Variants in CADM2 observed in about 807,000 individuals in gnomAD.
CADM2 encodes the protein cell adhesion molecule 2.
A neutral mutation model predicts 49.8 loss-of-function variants in CADM2; 12 were observed. The observed-to-expected ratio is 0.24, with a 90% CI of 0.15 to 0.39. CADM2 has a LOEUF of 0.39. Ranked by LOEUF, CADM2 falls within the 10% of genes least tolerant of loss-of-function variation. The pLI, the probability that CADM2 is intolerant of heterozygous loss-of-function variation, is 1.00. For synonymous variants in CADM2, 214 were observed against 175.4 expected (o/e 1.22, Z -1.74); for missense variants, 378 against 492.3 (o/e 0.77, Z 2.20).
intron 1 of CADM2, among the ~76,000 whole-genome samples, chr3:85,442,269 C>T (rs1392351879): frequency 6.6e-6 from 1 of 151,880 alleles, no homozygotes; most frequent in Non-Finnish European, 1.5e-5. Flanking sequence ...TCTTTTTCTT[C>T]TCCAGTTGTT....
intron 1 of CADM2, among the ~76,000 whole-genome samples, chr3:85,583,477 G>A (rs568728703): frequency 9.2e-5 from 14 of 151,984 alleles, no homozygotes; most frequent in Non-Finnish European, 1.9e-4. Flanking sequence ...TCTAATCATT[G>A]TCATTCTAAA....
intron 1 of CADM2, among the ~76,000 whole-genome samples, chr3:85,029,270 G>T (rs1162446770): frequency 6.6e-6 from 1 of 152,222 alleles, no homozygotes; most frequent in African/African-American, 2.4e-5. Context: ...ATCAAATACA[G>T]TTTGAGTATC....
At chr3:85,303,902 A>G (rs941577574) in intron 1 of CADM2, among the ~76,000 whole-genome samples, 6 of 151,944 alleles carry the variant, frequency 3.9e-5, no homozygotes, top group African/African-American at 1.2e-4. Flanking sequence ...AATAAAAGCA[A>G]TTATGTCAAC....
intron 3 of CADM2, among the ~76,000 whole-genome samples, chr3:85,803,651 A>G (rs997812439): frequency 6.6e-6 from 1 of 152,142 alleles, no homozygotes; most frequent in African/African-American, 2.4e-5. Flanking sequence ...GTTGCAGCTC[A>G]TGTCCAGAGG....
In CADM2 at chr3:86,041,853, A is replaced by G. The variant is rs1735985773; in HGVS notation, c.971-23752A>G. The stretch of plus-strand genomic sequence containing the variant: ...AAGTAAAACACTCCTCAGCAAATGT[A>G]AAAGAACAAATTATAACAAACTGTC... On this transcript the variant is annotated intron_variant, in intron 8 of 9. Coordinates refer to ENST00000383699, the MANE Select transcript of CADM2 (RefSeq NM_001167675.2). Among the ~76,000 whole-genome samples, 3 of 152,214 alleles carry G rather than the reference A, an allele frequency of 2.0e-5. No individual in the cohort carries two copies. In the South Asian group the frequency reaches 6.2e-4, roughly 32 times the overall value.
At chr3:85,403,684 G>A (rs888802150) in intron 1 of CADM2, among the ~76,000 whole-genome samples, 1 of 152,024 alleles carries the variant, frequency 6.6e-6, no homozygotes, top group Non-Finnish European at 1.5e-5. Flanking sequence ...TCATATACTT[G>A]AATTTATTTC....
intron 4 of CADM2, among the ~76,000 whole-genome samples, chr3:85,884,650 T>C (rs1485615338): frequency 6.6e-6 from 1 of 152,098 alleles, no homozygotes; most frequent in Non-Finnish European, 1.5e-5. Flanking sequence ...GGAGTTATGT[T>C]AATTTTTCAT....
chr3:85,979,374 T>G (rs1486867219), intron 8 of CADM2: 1 of 1,420,314 alleles, frequency 7.0e-7, no homozygotes, highest in Non-Finnish European at 9.5e-7. Flanking sequence ...TGAGATTCAA[T>G]TTTACTTAAT....
chr3:85,720,731 T>C (rs1023616568), intron 1 of CADM2, among the ~76,000 whole-genome samples: 8 of 152,148 alleles, frequency 5.3e-5, no homozygotes, highest in African/African-American at 1.9e-4. Context: ...TTTCATGTGA[T>C]TAGTGAAAAA....
intron 1 of CADM2, among the ~76,000 whole-genome samples, chr3:84,978,031 C>G (rs1046998151): frequency 3.9e-5 from 6 of 151,972 alleles, no homozygotes; most frequent in Admixed American, 6.6e-5. Context: ...CATAAACATA[C>G]AAAATACATA....
intron 6 of CADM2, among the ~76,000 whole-genome samples, chr3:85,920,314 G>C (rs2108501780): frequency 6.6e-6 from 1 of 151,926 alleles, no homozygotes; most frequent in African/African-American, 2.4e-5. Context: ...AATAGGAAAG[G>C]TGAAATGAAA....
At chr3:85,979,646 A>T (rs1727233641) in intron 8 of CADM2, among the ~76,000 whole-genome samples, 1 of 151,640 alleles carries the variant, frequency 6.6e-6, no homozygotes, top group Admixed American at 6.6e-5. Flanking sequence ...TTACTTTTTT[A>T]AAATTCTAGT....
intron 1 of CADM2, among the ~76,000 whole-genome samples, chr3:85,061,521 G>T (rs945645857): frequency 6.6e-6 from 1 of 152,104 alleles, no homozygotes; most frequent in Non-Finnish European, 1.5e-5. Context: ...TCAACATCGG[G>T]AGTATTCCTA....
At chr3:85,263,436 C>T (rs145511044) in intron 1 of CADM2, among the ~76,000 whole-genome samples, 14 of 152,242 alleles carry the variant, frequency 9.2e-5, no homozygotes, top group Admixed American at 2.0e-4. Flanking sequence ...AGGTGTTTCA[C>T]ATACAATATT....
intron 1 of CADM2, among the ~76,000 whole-genome samples, chr3:85,199,370 T>TGTGTGTGAGAGAGAGAGAGAGA (rs1553694531): frequency 7.1e-6 from 1 of 140,104 alleles, no homozygotes; most frequent in African/African-American, 2.8e-5. Flanking sequence ...TGTGTGTGTA[T>TGTGTGTGAGAGAGAGAGAGAGA]GAGAGAGAGA....
chr3:85,908,254 CT>C (rs898710165), intron 5 of CADM2, among the ~76,000 whole-genome samples: 1,332 of 65,776 alleles, frequency 0.02, 16 homozygotes, highest in East Asian at 0.1. Context: ...TTTTTTTCTT[CT>C]TTTTTTTTTT....
chr3:85,906,358 G>A (rs1716812417), intron 5 of CADM2, among the ~76,000 whole-genome samples: 1 of 152,016 alleles, frequency 6.6e-6, no homozygotes, highest in South Asian at 2.1e-4. Flanking sequence ...TTACTTGTCT[G>A]GGTAAACTGA....
intron 3 of CADM2, among the ~76,000 whole-genome samples, chr3:85,843,607 A>G (rs948817411): frequency 6.6e-6 from 1 of 152,180 alleles, no homozygotes; most frequent in African/African-American, 2.4e-5. Flanking sequence ...AGTAATAAAT[A>G]TCTAATTCAA....
intron 5 of CADM2, among the ~76,000 whole-genome samples, chr3:85,896,859 C>T (rs1425280259): frequency 1.3e-5 from 2 of 152,088 alleles, no homozygotes; most frequent in Non-Finnish European, 2.9e-5. Flanking sequence ...CAAAAAGTGG[C>T]CTTTAGACCA....
Sources: allele counts gnomAD v4.1 joint callset (sites outside exome capture counted in the v4.1 genomes callset), GRCh38; gene constraint gnomAD v4.1.1; transcripts MANE v1.5; gene names NCBI Gene and HGNC (gene_info 2026-07-23, HGNC 2026-07-21).